SCLT1: variants seen among roughly 807,000 people sequenced by gnomAD.
The protein encoded by SCLT1 is sodium channel and clathrin linker 1.
SCLT1 carries 78 observed loss-of-function variants against 112.8 expected under a neutral mutation model. The observed-to-expected ratio is 0.69, with a 90% confidence interval of 0.58 to 0.83. SCLT1 has a LOEUF of 0.83. SCLT1 is among the 40% of genes least tolerant of loss of function. The pLI is 0.00. For synonymous variants in SCLT1, 257 were observed against 254.7 expected (o/e 1.01, Z -0.09); for missense variants, 747 against 770.4 (o/e 0.97, Z 0.36).
intron 1 of SCLT1, among the ~76,000 whole-genome samples, chr4:129,086,172 CT>C (rs1752379494): frequency 6.6e-6 from 1 of 151,842 alleles, no homozygotes; most frequent in African/African-American, 2.4e-5. Context: ...GAGGGAAACA[CT>C]TTCAATCTTC....
chr4:128,888,420 G>A (rs537802037), intron 20 of SCLT1, among the ~76,000 whole-genome samples: 2 of 152,168 alleles, frequency 1.3e-5, no homozygotes, highest in South Asian at 4.1e-4. Flanking sequence ...GTATTGCCAT[G>A]TTTTGCAGGA....
At chr4:128,882,840 G>A (rs547509387), downstream of SCLT1, among the ~76,000 whole-genome samples, 3 of 152,196 alleles carry the variant, frequency 2.0e-5, no homozygotes, top group East Asian at 1.9e-4. Context: ...TCTGAAAAGT[G>A]TATAGATAAA....
chr4:128,986,460 CACTTAG>C (rs533161336), intron 9 of SCLT1, among the ~76,000 whole-genome samples: 38 of 152,294 alleles, frequency 2.5e-4, no homozygotes, highest in Admixed American at 7.2e-4. Context: ...AGAGGCAGTG[CACTTAG>C]GGTACAATAC....
chr4:128,957,122 A>T lies in SCLT1; in HGVS notation c.1050T>A (p.Ala350=). 1 of 1,538,176 alleles carries T rather than the reference A, an allele frequency of 6.5e-7. No homozygotes were observed. Among genetic ancestry groups the T allele is most frequent in the Non-Finnish European group, 8.9e-7 (1 of 1,124,594 alleles). ...LEEANLQKSQ[A]LLEEKQKEED... is the part of the protein sequence containing the mutation. ...CTTCTTTTTGCTTCTCCTCAAGTAGAGCCTTCAGAAAATAATCATTTCATG... is the reference window on the plus strand; with the variant it reads ...CTTCTTTTTGCTTCTCCTCAAGTAGTGCCTTCAGAAAATAATCATTTCATG... Residue 350 remains alanine, a splice_region_variant and synonymous_variant, in exon 13 of 21, where the codon GCT becomes GCA. Coordinates refer to ENST00000281142, the MANE Select transcript of SCLT1 (RefSeq NM_144643.4).
At chr4:129,071,191 T>A (rs1353036377) in intron 2 of SCLT1, among the ~76,000 whole-genome samples, 2 of 152,084 alleles carry the variant, frequency 1.3e-5, no homozygotes, top group African/African-American at 4.8e-5. Flanking sequence ...CATTTTATGG[T>A]CTATTGTATG....
intron 16 of SCLT1, 105 bp downstream of exon 16, chr4:128,945,902 A>G (rs1738114078): frequency 1.6e-6 from 1 of 610,536 alleles, no homozygotes; most frequent in Admixed American, 3.3e-5. Context: ...TTTCAACATA[A>G]GATATATTGT....
intron 2 of SCLT1, among the ~76,000 whole-genome samples, chr4:129,050,766 T>C (rs1254238503): frequency 1.3e-5 from 2 of 152,226 alleles, no homozygotes; most frequent in African/African-American, 2.4e-5. Context: ...TGGCTTTTGT[T>C]GTAATTGCTT....
chr4:129,022,578 T>A (rs889450422), intron 5 of SCLT1, among the ~76,000 whole-genome samples: 2 of 152,080 alleles, frequency 1.3e-5, no homozygotes, highest in Middle Eastern at 3.4e-3. Context: ...AAATAAAATC[T>A]GAAGGAAAGA....
At chr4:129,053,584 T>TTTTTTTTTTTTTTTC (rs1749055262) in intron 2 of SCLT1, among the ~76,000 whole-genome samples, 1 of 101,958 alleles carries the variant, frequency 9.8e-6, no homozygotes, top group African/African-American at 3.3e-5. Context: ...TTTTTTTTTT[T>TTTTTTTTTTTTTTTC]TTTTTTGCTT....
At chr4:129,037,263 A>T (rs913672140) in intron 5 of SCLT1, 4 of 152,132 alleles carry the variant, frequency 2.6e-5, no homozygotes, top group South Asian at 2.1e-4. Context: ...GGCACTCATT[A>T]TTTATTTCTG....
At chr4:128,876,992 A>C (rs1732537368) in intron 3 of SCLT1, among the ~76,000 whole-genome samples, 1 of 152,112 alleles carries the variant, frequency 6.6e-6, no homozygotes, top group Non-Finnish European at 1.5e-5. Flanking sequence ...AGGTCTCTTC[A>C]TTTTTTGCCT....
chr4:129,051,516 G>C, intron 2 of SCLT1, among the ~76,000 whole-genome samples: 1 of 152,058 alleles, frequency 6.6e-6, no homozygotes, highest in South Asian at 2.1e-4. Context: ...CTTATGATTT[G>C]GCTCTCTATT....
intron 9 of SCLT1, among the ~76,000 whole-genome samples, chr4:128,974,292 G>A (rs989216419): frequency 2.6e-5 from 4 of 151,914 alleles, no homozygotes; most frequent in African/African-American, 9.7e-5. Flanking sequence ...ACGAACAGTG[G>A]GATTTATGAT....
At chr4:129,023,868 G>C (rs1015934894) in intron 5 of SCLT1, among the ~76,000 whole-genome samples, 1 of 152,214 alleles carries the variant, frequency 6.6e-6, no homozygotes, top group Non-Finnish European at 1.5e-5. Flanking sequence ...CTTAGAAAAT[G>C]GCACACCAGG....
At chr4:129,079,563 G>A (rs1310159605) in intron 2 of SCLT1, among the ~76,000 whole-genome samples, 1 of 152,226 alleles carries the variant, frequency 6.6e-6, no homozygotes, top group Non-Finnish European at 1.5e-5. Flanking sequence ...GCCTTGGGCA[G>A]CTCTGCCTCT....
At chr4:128,934,811 C>A (rs1737053955) in intron 18 of SCLT1, among the ~76,000 whole-genome samples, 1 of 151,336 alleles carries the variant, frequency 6.6e-6, no homozygotes, top group African/African-American at 2.4e-5. Context: ...CTTTTTCTTG[C>A]CTTAGTGCAC....
At chr4:129,083,546 C>T (rs568464918) in intron 1 of SCLT1, among the ~76,000 whole-genome samples, 1 of 151,600 alleles carries the variant, frequency 6.6e-6, no homozygotes, top group Admixed American at 6.6e-5. Flanking sequence ...AATCTCACTG[C>T]TTTGGGAGGC....
chr4:128,920,438 C>A (rs529180473), intron 18 of SCLT1, among the ~76,000 whole-genome samples: 1 of 152,136 alleles, frequency 6.6e-6, no homozygotes, highest in Non-Finnish European at 1.5e-5. Flanking sequence ...ATTACAGGCA[C>A]ACGCCACCAC....
At position 128,999,794 on chromosome 4, in the gene SCLT1, C is replaced by A. The variant is rs1218078886; in HGVS notation, c.427G>T (p.Glu143Ter). Residue 143 changes from glutamate to a stop codon, truncating the protein, a stop_gained and splice_region_variant, in exon 7 of 21, where the codon GAA becomes TAA. Coordinates refer to ENST00000281142, the MANE Select transcript of SCLT1 (RefSeq NM_144643.4). LOFTEE classifies it high-confidence loss of function. ...CAGAGTTCCACAGCCTGAGTTTTTT[C>A]CTATTAAAAAAGTTTGATAACTCAT... Reference protein sequence around the residue: ...LQEQLQLANQEKTQAVELWQT... With the variant: ...LQEQLQLANQ 1 of 1,592,176 alleles carries A rather than the reference C, an allele frequency of 6.3e-7. No homozygotes were observed. The highest frequency in any genetic ancestry group is 8.5e-7 in the Non-Finnish European group (1 of 1,170,252).
Sources: gnomAD v4.1 joint callset for allele counts (sites outside exome capture counted in the v4.1 genomes callset) on GRCh38, gnomAD v4.1.1 for gene constraint, MANE v1.5 for transcripts, NCBI Gene and HGNC (gene_info 2026-07-23, HGNC 2026-07-21) for gene names.